WDFY3: variants seen among roughly 807,000 people sequenced by gnomAD.
WDFY3 encodes WD repeat and FYVE domain containing 3, also known as WD repeat and FYVE domain-containing protein 3.
A neutral mutation model predicts 409.6 loss-of-function variants in WDFY3; 66 were observed. The ratio of observed to expected loss-of-function variants is 0.16; its 90% confidence interval spans 0.13 to 0.20. The LOEUF (loss-of-function observed/expected upper bound fraction) is 0.20. WDFY3 is among the 10% of genes least tolerant of loss of function. WDFY3 has a pLI of 1.00. For missense variants in WDFY3, 3,031 were observed against 4,298.1 expected (o/e 0.71, Z 8.24); for synonymous variants, 1,521 against 1,537.1 (o/e 0.99, Z 0.25).
intron 50 of WDFY3, among the ~76,000 whole-genome samples, chr4:84,714,208 C>A (rs1188822184): frequency 6.6e-6 from 1 of 152,118 alleles, no homozygotes; most frequent in Non-Finnish European, 1.5e-5. Flanking sequence ...ACAACCTTGA[C>A]CTCCTGGGCT....
chr4:84,778,428 AAAAT>A, intron 27 of WDFY3, 71 bp downstream of exon 27: 1 of 1,313,830 alleles, frequency 7.6e-7, no homozygotes, highest in Non-Finnish European at 1.0e-6. Flanking sequence ...TTTTAGAGAT[AAAAT>A]AGTTTATAAT....
intron 60 of WDFY3, 104 bp downstream of exon 60, chr4:84,691,527 C>A: frequency 7.8e-7 from 1 of 1,274,566 alleles, no homozygotes; most frequent in Non-Finnish European, 1.1e-6. Context: ...GGAGGAACAG[C>A]TGACAAGCCC....
chr4:84,751,777 T>C (rs1740562780), intron 35 of WDFY3, 61 bp from the exon 36 acceptor site: 7 of 1,571,640 alleles, frequency 4.5e-6, no homozygotes, highest in Non-Finnish European at 6.1e-6. Context: ...TTTACTTCTG[T>C]GTTTCCTAAA....
At chr4:84,891,893 GA>G (rs1765004360) in intron 3 of WDFY3, among the ~76,000 whole-genome samples, 2 of 152,210 alleles carry the variant, frequency 1.3e-5, no homozygotes, top group Admixed American at 1.3e-4. Context: ...TCCAGGCATT[GA>G]AAAGTCAAAT....
chr4:84,856,271 T>C (rs546642261), intron 4 of WDFY3, among the ~76,000 whole-genome samples: 123 of 152,282 alleles, frequency 8.1e-4, no homozygotes, highest in Non-Finnish European at 1.5e-3. Context: ...GGAAATAAGT[T>C]AAAAAATAAG....
At chr4:84,746,164 A>T (rs1047842036) in intron 36 of WDFY3, among the ~76,000 whole-genome samples, 7 of 151,502 alleles carry the variant, frequency 4.6e-5, no homozygotes, top group African/African-American at 1.7e-4. Flanking sequence ...AAAAAAAAAA[A>T]AAAAATCTCT....
chr4:84,851,609 C>T (rs145796618), intron 4 of WDFY3, among the ~76,000 whole-genome samples: 1 of 152,170 alleles, frequency 6.6e-6, no homozygotes, highest in Non-Finnish European at 1.5e-5. Context: ...AAATCTAAGA[C>T]TGGAAAGACC....
chr4:84,747,496 G>T (rs2149270017), intron 36 of WDFY3, among the ~76,000 whole-genome samples: 1 of 152,200 alleles, frequency 6.6e-6, no homozygotes, highest in Non-Finnish European at 1.5e-5. Context: ...ATGACAATGG[G>T]GAGCTCTTGT....
chr4:84,778,697 T>G, intron 26 of WDFY3, 42 bp from the exon 27 acceptor site: 1 of 1,578,290 alleles, frequency 6.3e-7, no homozygotes, highest in East Asian at 2.2e-5. Flanking sequence ...TAAATCATCA[T>G]ATATATTCAT....
intron 8 of WDFY3, among the ~76,000 whole-genome samples, chr4:84,829,623 A>G (rs1011175380): frequency 3.3e-5 from 5 of 152,160 alleles, no homozygotes; most frequent in African/African-American, 1.2e-4. Context: ...CCTGGCTAAC[A>G]TGGTGAAACC....
chr4:84,703,825 A>C (rs1731481024), intron 55 of WDFY3, among the ~76,000 whole-genome samples: 1 of 152,108 alleles, frequency 6.6e-6, no homozygotes, highest in Non-Finnish European at 1.5e-5. Context: ...ACATTCTGAA[A>C]CACCTTACAA....
chr4:84,918,345 A>G (rs564357380), intron 2 of WDFY3, among the ~76,000 whole-genome samples: 1 of 152,316 alleles, frequency 6.6e-6, no homozygotes, highest in South Asian at 2.1e-4. Flanking sequence ...ACATACACAC[A>G]AAAGAATGAT....
intron 1 of WDFY3, among the ~76,000 whole-genome samples, chr4:84,964,538 T>C (rs1352517328): frequency 6.6e-6 from 1 of 152,212 alleles, no homozygotes; most frequent in African/African-American, 2.4e-5. Flanking sequence ...AGTTGAGCAG[T>C]GGAATTTAAG....
Position 84,691,803 on chromosome 4 carries a change from T to A in WDFY3, c.9050-18A>T. ...TTTGAGTTCTAGAAAAAAGAAATCA[T>A]GGTATTAGGACAGGAACAGGAAAAA... On this transcript the variant is annotated intron_variant, in intron 59 of 67. Transcript: ENST00000295888. 4 of 1,603,382 alleles carry A rather than the reference T, an allele frequency of 2.5e-6. No homozygotes were observed. Among genetic ancestry groups the A allele is most frequent in the Non-Finnish European group, 3.4e-6 (4 of 1,172,986 alleles).
intron 36 of WDFY3, among the ~76,000 whole-genome samples, chr4:84,748,636 G>T (rs1256646463): frequency 2.0e-5 from 3 of 152,050 alleles, no homozygotes; most frequent in Non-Finnish European, 4.4e-5. Flanking sequence ...CCTTGTATTT[G>T]GCCTCAGTCA....
chr4:84,795,855 T>G (rs1255624033), intron 19 of WDFY3, among the ~76,000 whole-genome samples: 1 of 152,152 alleles, frequency 6.6e-6, no homozygotes, highest in East Asian at 1.9e-4. Context: ...TTGAACTTCA[T>G]GAATTCTTAT....
chr4:84,802,385 G>A (rs781532427), intron 16 of WDFY3, among the ~76,000 whole-genome samples: 12 of 151,478 alleles, frequency 7.9e-5, no homozygotes, highest in Non-Finnish European at 1.5e-4. Context: ...TCAGTCCGCC[G>A]AGTAGCTCGG....
intron 50 of WDFY3, among the ~76,000 whole-genome samples, chr4:84,714,867 G>A (rs1010954460): frequency 3.3e-5 from 5 of 151,212 alleles, no homozygotes; most frequent in Admixed American, 2.0e-4. Context: ...GGAGAATGGC[G>A]TGAACCCGGG....
intron 58 of WDFY3, among the ~76,000 whole-genome samples, chr4:84,694,846 T>C (rs1275197209): frequency 6.6e-6 from 1 of 152,142 alleles, no homozygotes. Context: ...CAGACTGCAT[T>C]GTAAATGGTA....
Sources: allele counts gnomAD v4.1 joint callset (sites outside exome capture counted in the v4.1 genomes callset), GRCh38; gene constraint gnomAD v4.1.1; transcripts MANE v1.5; gene names NCBI Gene and HGNC (gene_info 2026-07-23, HGNC 2026-07-21).